GRIN3A: variants seen among roughly 807,000 people sequenced by gnomAD.
GRIN3A encodes glutamate receptor ionotropic, NMDA 3A.
GRIN3A carries 47 observed loss-of-function variants against 92.4 expected under a neutral mutation model. The ratio of observed to expected loss-of-function variants is 0.51; its 90% CI spans 0.40 to 0.65. The LOEUF is 0.65. Among genes scored for constraint, GRIN3A ranks in the 30% least tolerant of loss-of-function variants. GRIN3A has a pLI of 0.00. For synonymous variants in GRIN3A, 527 were observed against 540.6 expected, an observed-to-expected ratio of 0.97 and a Z score of 0.35; for missense variants, 1,324 against 1,393.1, an observed-to-expected ratio of 0.95 and a Z score of 0.79.
intron 6 of GRIN3A, among the ~76,000 whole-genome samples, chr9:101,608,312 T>C (rs900854686): frequency 6.6e-6 from 1 of 152,332 alleles, no homozygotes. Context: ...CAACATTGCC[T>C]GGACAAGCAC....
At position 101,664,976 on chromosome 9, in the gene GRIN3A, C is replaced by G. The variant is rs143173900; in HGVS notation, c.2352+5084G>C. On this transcript the variant is annotated intron_variant, in intron 3 of 8. Coordinates refer to ENST00000361820, the MANE Select transcript of GRIN3A (RefSeq NM_133445.3). ...GGATCACAAATCTTACCTTGTAAGT[C>G]AATAGCTTTTTCATCCGAACATATT... is the stretch of plus-strand genomic sequence containing the variant. 2.3e-4 allele frequency among the ~76,000 whole-genome samples: 35 copies of G among 151,846 alleles called. No homozygotes were observed. The East Asian group carries it at 6.8e-3, about 30-fold the overall frequency.
chr9:101,599,910 A>T (rs1233783681), intron 6 of GRIN3A, among the ~76,000 whole-genome samples: 1 of 152,214 alleles, frequency 6.6e-6, no homozygotes, highest in East Asian at 1.9e-4. Context: ...AAGCGTACTG[A>T]CGTTAGCCAC....
rs1391471696 is a variant in GRIN3A, at chr9:101,595,076, G to A, written c.2767-15716C>T. 1.1e-5 allele frequency: 8 copies of A among 761,860 alleles called. No homozygotes were observed. In the Admixed American group the frequency reaches 1.7e-4, roughly 17 times the overall value. 47.2% of individuals were successfully genotyped at this position (761,860 alleles called of 1,614,324 possible). A position where few individuals can be genotyped will look rare whatever the true frequency, so the allele number is the denominator to read the frequency against. On this transcript the variant is annotated intron_variant, in intron 6 of 8. Coordinates refer to ENST00000361820, the MANE Select transcript of GRIN3A (RefSeq NM_133445.3). ...CGAGCAAAAGGGCAGGGGAGCGGAG[G>A]GAGGGGCGGCAGGTCAGAGAGGGAG...
At chr9:101,613,264 G>A in intron 6 of GRIN3A, 112 bp downstream of exon 6, 1 of 1,122,736 alleles carries the variant, frequency 8.9e-7, no homozygotes, top group Non-Finnish European at 1.3e-6. Flanking sequence ...TATTATGCAA[G>A]AGTCTAGTAA....
At position 101,573,497 on chromosome 9, in the gene GRIN3A, G is replaced by A. The variant is rs761890690; in HGVS notation, c.3025C>T (p.Arg1009Cys). ...GAAGTATTCCATACGGTAAGCTGAC[G>A]GGGTCCCACATTAGACCTAGGAAAC... ...RVEKRSNVGP[R>C]QLTVWNTSNL... The change falls in exon 9 of 9, where the codon CGT becomes TGT. Residue 1009 changes from arginine (R) to cysteine (C), a missense_variant. Arg to Cys is a radical substitution (Grantham distance 180, BLOSUM62 -3). Transcript: ENST00000361820. The A allele has an allele frequency of 6.8e-6, 11 of 1,613,554 alleles. No individual in the cohort carries two copies. The highest frequency in any genetic ancestry group is 1.3e-5 in the African/African-American group (1 of 74,842).
At chr9:101,634,072 G>A (rs550828958) in intron 3 of GRIN3A, among the ~76,000 whole-genome samples, 9 of 152,004 alleles carry the variant, frequency 5.9e-5, no homozygotes, top group Non-Finnish European at 1.3e-4. Flanking sequence ...GGTGGTTTAC[G>A]CCTGTAATCC....
At chr9:101,663,899 A>G (rs144072699) in intron 3 of GRIN3A, among the ~76,000 whole-genome samples, 35 of 151,598 alleles carry the variant, frequency 2.3e-4, no homozygotes, top group African/African-American at 8.2e-4. Context: ...TCTCAGGGCT[A>G]AAAGGGGAGA....
intron 1 of GRIN3A, among the ~76,000 whole-genome samples, chr9:101,698,555 C>T (rs575644860): frequency 2.6e-5 from 4 of 152,308 alleles, no homozygotes; most frequent in Admixed American, 2.6e-4. Flanking sequence ...TAACCTATTA[C>T]TCCTAGGCTG....
rs1827779734 is a variant in GRIN3A, at chr9:101,572,964, T to C, written c.*210A>G. 1.7e-6 allele frequency: 1 copy of C among 579,640 alleles called. No individual in the cohort carries two copies. The highest frequency in any genetic ancestry group is 3.1e-6 in the Non-Finnish European group (1 of 323,544). 35.9% of individuals were successfully genotyped at this position (579,640 alleles called of 1,614,324 possible). On this transcript the variant is annotated 3_prime_UTR_variant, in exon 9 of 9. Transcript: ENST00000361820. ...GCTTACTCCTGACTAAGATTCTTGCTAGAAAAACACTCCTACCCTGGAGAC... is the reference window on the plus strand; with the variant it reads ...GCTTACTCCTGACTAAGATTCTTGCCAGAAAAACACTCCTACCCTGGAGAC...
intron 1 of GRIN3A, among the ~76,000 whole-genome samples, chr9:101,713,652 G>A (rs2119017966): frequency 6.6e-6 from 1 of 152,318 alleles, no homozygotes; most frequent in African/African-American, 2.4e-5. Flanking sequence ...TTTATTAGAA[G>A]GGGATTTAGC....
At chr9:101,724,325 G>GA (rs1830055879) in intron 1 of GRIN3A, among the ~76,000 whole-genome samples, 2 of 152,162 alleles carry the variant, frequency 1.3e-5, no homozygotes, top group Non-Finnish European at 2.9e-5. Context: ...ACTGCTGGGG[G>GA]ACCCAGTACG....
chr9:101,649,238 G>A (rs1218642277), intron 3 of GRIN3A, among the ~76,000 whole-genome samples: 1 of 151,776 alleles, frequency 6.6e-6, no homozygotes, highest in African/African-American at 2.4e-5. Context: ...GTGAGCACAT[G>A]GAATTTGTGG....
At chr9:101,726,166 C>T (rs1188347462) in intron 1 of GRIN3A, among the ~76,000 whole-genome samples, 1 of 152,016 alleles carries the variant, frequency 6.6e-6, no homozygotes, top group Non-Finnish European at 1.5e-5. Context: ...TGAGGGGAAA[C>T]CAATGTGGGT....
intron 2 of GRIN3A, among the ~76,000 whole-genome samples, chr9:101,674,999 A>G (rs1158324797): frequency 1.3e-5 from 2 of 152,008 alleles, no homozygotes; most frequent in African/African-American, 2.4e-5. Flanking sequence ...ACAGAGATCT[A>G]CATTAGTTAA....
intron 3 of GRIN3A, among the ~76,000 whole-genome samples, chr9:101,642,541 A>G (rs1330556687): frequency 2.6e-5 from 4 of 152,162 alleles, no homozygotes; most frequent in Admixed American, 6.5e-5. Flanking sequence ...TGAAAGGGCA[A>G]CCTATGAAAT....
rs768162688 is a variant in GRIN3A at position 101,646,107 on chromosome 9, C to T, written c.2353-17706G>A. On this transcript the variant is annotated intron_variant, in intron 3 of 8. Coordinates refer to ENST00000361820, the MANE Select transcript of GRIN3A (RefSeq NM_133445.3). ...AGTCCTGTTTGTTTATTTTTCCTCA[C>T]GTTGCTTGTGCTTTTGAGATCTTAC... Among the ~76,000 whole-genome samples the T allele has an allele frequency of 1.3e-5, 2 of 151,836 alleles. 1 individual carries two copies. The highest frequency in any genetic ancestry group is 4.1e-4 in the South Asian group (2 of 4,832).
intron 1 of GRIN3A, among the ~76,000 whole-genome samples, chr9:101,692,607 A>G (rs1440922575): frequency 6.6e-6 from 1 of 152,216 alleles, no homozygotes; most frequent in Non-Finnish European, 1.5e-5. Flanking sequence ...TCAAGTGAAC[A>G]TAATGTTTCC....
chr9:101,587,259 G>A (rs1312499910), intron 6 of GRIN3A, among the ~76,000 whole-genome samples: 5 of 145,536 alleles, frequency 3.4e-5, no homozygotes, highest in African/African-American at 1.3e-4. Context: ...GCAGTGAGCT[G>A]AAATTGCACC....
At chr9:101,683,164 G>A (rs1014971543) in intron 2 of GRIN3A, among the ~76,000 whole-genome samples, 3 of 152,122 alleles carry the variant, frequency 2.0e-5, no homozygotes, top group African/African-American at 7.2e-5. Flanking sequence ...TGTGTAGTCT[G>A]CCATGAGAAA....
Sources: allele counts gnomAD v4.1 joint callset (sites outside exome capture counted in the v4.1 genomes callset), GRCh38; gene constraint gnomAD v4.1.1; transcripts MANE v1.5; gene names NCBI Gene and HGNC (gene_info 2026-07-23, HGNC 2026-07-21).